SUFU: variants seen among roughly 807,000 people sequenced by gnomAD.
SUFU encodes suppressor of fused homolog.
A neutral mutation model predicts 58.9 loss-of-function variants in SUFU; 7 were observed. The observed-to-expected ratio is 0.12, with a 90% CI of 0.07 to 0.22. The LOEUF (loss-of-function observed/expected upper bound fraction) is 0.22. Among genes scored for constraint, SUFU ranks in the 10% least tolerant of loss-of-function variants. The pLI, the probability that SUFU is intolerant of heterozygous loss-of-function variation, is 1.00. For synonymous variants in SUFU, 232 were observed against 254.8 expected (o/e 0.91, Z 0.85); for missense variants, 451 against 641.3 (o/e 0.70, Z 3.20).
At position 102,595,007 on chromosome 10, in the gene SUFU, A is replaced by C. The variant is rs938262418; in HGVS notation, c.756+942A>C. On this transcript the variant is annotated intron_variant, in intron 6 of 11. Coordinates refer to ENST00000369902, the MANE Select transcript of SUFU (RefSeq NM_016169.4). The stretch of plus-strand genomic sequence containing the variant: ...AGTGCTGGGATTACAGGTTTGAGCT[A>C]GTGCGCCTGGCCCATAACTGCCTTT... 2.0e-5 allele frequency among the ~76,000 whole-genome samples: 3 copies of C among 152,204 alleles called. 1 individual carries two copies. Among genetic ancestry groups the C allele is most frequent in the Non-Finnish European group, 4.4e-5 (3 of 68,038 alleles).
At position 102,619,294 on chromosome 10, in the gene SUFU, C is replaced by T; in HGVS notation, c.1296+1866C>T. ...GGGGTTCCCACTCCCAGTGCCACAA[C>T]CCCCTCACCTCCCTGGCAGCCCCTC... is the stretch of plus-strand genomic sequence containing the variant. On this transcript the variant is annotated intron_variant, in intron 10 of 11. Coordinates refer to ENST00000369902, the MANE Select transcript of SUFU (RefSeq NM_016169.4). The surrounding 1 kb of genome is among the most constrained non-coding windows in gnomAD (Gnocchi z 4.2). 5 of 1,445,368 alleles carry T rather than the reference C, an allele frequency of 3.5e-6. No homozygotes were observed. Among genetic ancestry groups the T allele is most frequent in the Non-Finnish European group, 4.5e-6 (5 of 1,102,192 alleles). 89.5% of individuals were successfully genotyped at this position (1,445,368 alleles called of 1,614,324 possible).
At chr10:102,575,191 G>C (rs1420862841) in intron 3 of SUFU, among the ~76,000 whole-genome samples, 1 of 152,156 alleles carries the variant, frequency 6.6e-6, no homozygotes, top group Non-Finnish European at 1.5e-5. Flanking sequence ...TCCAGCCTGG[G>C]AAACAGAGCA....
chr10:102,530,781 A>G (rs1057450945), intron 2 of SUFU, among the ~76,000 whole-genome samples: 23 of 152,148 alleles, frequency 1.5e-4, no homozygotes, highest in African/African-American at 5.5e-4. Flanking sequence ...CCAAGGAAAT[A>G]ACCCAAATAT....
At chr10:102,561,716 C>T (rs1008966192) in intron 3 of SUFU, among the ~76,000 whole-genome samples, 3 of 140,632 alleles carry the variant, frequency 2.1e-5, no homozygotes, top group African/African-American at 5.3e-5. Context: ...TTGCTCAGAC[C>T]GGAGTCCAGT....
At chr10:102,510,909 T>C (rs1428197801) in intron 2 of SUFU, among the ~76,000 whole-genome samples, 5 of 151,824 alleles carry the variant, frequency 3.3e-5, no homozygotes, top group African/African-American at 1.2e-4. Flanking sequence ...TCACCTGAGG[T>C]TGGGAGTTTG....
In SUFU at chr10:102,597,260, A is replaced by G. The variant is rs574002050; in HGVS notation, c.877A>G (p.Ile293Val). Reference protein sequence around the residue: ...EDDEDSRSICIGTQPRRLSGK... With the variant: ...EDDEDSRSICVGTQPRRLSGK... Reference sequence around the variant, plus strand: ...TGACGAGGACAGCCGGAGCATCTGCATCGGCACACAGCCCCGGCGACTCTC... The same window carrying G: ...TGACGAGGACAGCCGGAGCATCTGCGTCGGCACACAGCCCCGGCGACTCTC... Residue 293 changes from isoleucine (I) to valine (V), a missense_variant, in exon 7 of 12, where the codon ATC (isoleucine) becomes GTC (valine). Physicochemically the swap from Ile to Val is conservative, Grantham distance 29 (BLOSUM62 3). Transcript: ENST00000369902. 4.3e-6 allele frequency: 7 copies of G among 1,613,946 alleles called. No individual in the cohort carries two copies. The highest frequency in any genetic ancestry group is 1.1e-5 in the South Asian group (1 of 91,068).
intron 3 of SUFU, among the ~76,000 whole-genome samples, chr10:102,562,225 T>C (rs1377162320): frequency 6.6e-6 from 1 of 152,194 alleles, no homozygotes; most frequent in Non-Finnish European, 1.5e-5. Flanking sequence ...AGGCCCTTTT[T>C]TAAAACTTGC....
At chr10:102,536,985 A>G (rs572878787) in intron 2 of SUFU, among the ~76,000 whole-genome samples, 2 of 151,906 alleles carry the variant, frequency 1.3e-5, no homozygotes, top group Admixed American at 6.6e-5. Flanking sequence ...TAATTTTTGT[A>G]TTTTTAGCAG....
chr10:102,531,112 A>C (rs1290031580), intron 2 of SUFU, among the ~76,000 whole-genome samples: 1 of 145,200 alleles, frequency 6.9e-6, no homozygotes, highest in Non-Finnish European at 1.5e-5. Context: ...AAATGTAATC[A>C]GGTGTAGTGG....
chr10:102,529,021 T>G (rs1390833223), intron 2 of SUFU, among the ~76,000 whole-genome samples: 1 of 143,716 alleles, frequency 7.0e-6, no homozygotes, highest in Non-Finnish European at 1.5e-5. Context: ...ATTTATGGGT[T>G]TTTTTTCTAT....
At chr10:102,502,832 G>A (rs996363457), upstream of SUFU, 2 of 607,808 alleles carry the variant, frequency 3.3e-6, no homozygotes, top group Non-Finnish European at 2.9e-6. Flanking sequence ...TTGCTTTGTT[G>A]CCCGCCTAGT....
In SUFU at chr10:102,628,343, G is replaced by T. The variant is rs1256282776; in HGVS notation, c.1365+1100G>T. Among the ~76,000 whole-genome samples the T allele has an allele frequency of 1.3e-5, 2 of 152,174 alleles. No individual in the cohort carries two copies. The highest frequency in any genetic ancestry group is 2.9e-5 in the Non-Finnish European group (2 of 68,040). ...GCCAGGGTCACCTCAATAGAGCAGG[G>T]TCTCCTCTGTCCTCTGGGATGCAGC... On this transcript the variant is annotated intron_variant, in intron 11 of 11. Transcript: ENST00000369902. This position sits in a 1 kb window ranked among gnomAD's most constrained non-coding sequence, Gnocchi z 4.5.
Position 102,627,796 on chromosome 10 carries a change from C to T in SUFU, c.1365+553C>T, listed in dbSNP as rs551343926. ...AGAGCTGGAGGAGCTGGCAGGCCAG[C>T]TGTGGCTGTGCCTTCTTTAGCTGCT... On this transcript the variant is annotated intron_variant, in intron 11 of 11. Coordinates refer to ENST00000369902, the MANE Select transcript of SUFU (RefSeq NM_016169.4). Among the ~76,000 whole-genome samples the T allele has an allele frequency of 2.6e-5, 4 of 152,332 alleles. No individual in the cohort carries two copies. The East Asian group carries it at 7.7e-4, about 29-fold the overall frequency.
intron 3 of SUFU, among the ~76,000 whole-genome samples, chr10:102,586,714 T>G (rs1438634915): frequency 6.6e-6 from 1 of 152,188 alleles, no homozygotes; most frequent in Non-Finnish European, 1.5e-5. Context: ...AACATAAAAT[T>G]TATCATTTTA....
At chr10:102,574,565 A>C (rs1366116799) in intron 3 of SUFU, among the ~76,000 whole-genome samples, 1 of 152,166 alleles carries the variant, frequency 6.6e-6, no homozygotes, top group Non-Finnish European at 1.5e-5. Flanking sequence ...GTGAGCTGTA[A>C]TTGTGCCACT....
chr10:102,545,986 A>C (rs944452281), intron 2 of SUFU, among the ~76,000 whole-genome samples: 1 of 152,170 alleles, frequency 6.6e-6, no homozygotes, highest in Non-Finnish European at 1.5e-5. Context: ...ATATAAATAA[A>C]TAATGGTGTT....
chr10:102,612,761 C>A (rs2063639912), intron 8 of SUFU, among the ~76,000 whole-genome samples: 1 of 152,122 alleles, frequency 6.6e-6, no homozygotes, highest in Admixed American at 6.6e-5. Context: ...TGAGAGTCAC[C>A]CCCTGGTCCT....
At chr10:102,526,049 A>G (rs747604582) in intron 2 of SUFU, among the ~76,000 whole-genome samples, 19 of 149,936 alleles carry the variant, frequency 1.3e-4, no homozygotes, top group Non-Finnish European at 1.5e-5. Flanking sequence ...CTGGGCTATT[A>G]TGCACTATGC....
chr10:102,591,332 C>G (rs1433267962), intron 3 of SUFU, among the ~76,000 whole-genome samples: 1 of 152,098 alleles, frequency 6.6e-6, no homozygotes, highest in African/African-American at 2.4e-5. Flanking sequence ...AATCCCACCT[C>G]TACTAAAAAT....
Sources: allele counts gnomAD v4.1 joint callset (sites outside exome capture counted in the v4.1 genomes callset), GRCh38; gene constraint gnomAD v4.1.1; non-coding constraint Gnocchi (gnomAD v3.1); transcripts MANE v1.5; gene names NCBI Gene and HGNC (gene_info 2026-07-23, HGNC 2026-07-21).